Variants in ATXN2 observed in about 807,000 individuals in gnomAD.
The protein encoded by ATXN2 is ataxin 2, also known as ataxin-2.
A neutral mutation model predicts 138.6 loss-of-function variants in ATXN2; 37 were observed. The ratio of observed to expected loss-of-function variants is 0.27; its 90% CI spans 0.21 to 0.35. The LOEUF is 0.35. Ranked by LOEUF, ATXN2 falls within the 10% of genes least tolerant of loss-of-function variation. The pLI is 1.00. For missense variants in ATXN2, 1,216 were observed against 1,480.3 expected, an observed-to-expected ratio of 0.82 and a Z score of 2.93; for synonymous variants, 549 against 543.7, an observed-to-expected ratio of 1.01 and a Z score of -0.13.
Position 111,577,359 on chromosome 12 carries a change from G to A in ATXN2, c.251+21425C>T, listed in dbSNP as rs548949637. Among the ~76,000 whole-genome samples, 883 of 152,002 alleles carry A rather than the reference G, an allele frequency of 5.8e-3. 11 individuals are homozygous for A. The highest frequency in any genetic ancestry group is 0.02 in the African/African-American group (829 of 41,484). On this transcript the variant is annotated intron_variant, in intron 1 of 24. Coordinates refer to ENST00000673436, the MANE Select transcript of ATXN2 (RefSeq NM_001372574.1). The stretch of plus-strand genomic sequence containing the variant: ...CGGCTCACTGCAAGCTCCGCCTCCC[G>A]GGTTCACGCCATTCTCCTGCCTCAG...
intron 10 of ATXN2, among the ~76,000 whole-genome samples, chr12:111,514,807 C>T (rs947242216): frequency 6.6e-6 from 1 of 152,070 alleles, no homozygotes; most frequent in African/African-American, 2.4e-5. Flanking sequence ...AATTTAAACA[C>T]GAACATGATC....
In ATXN2 at chr12:111,509,899, T is replaced by A. The variant is rs760490040; in HGVS notation, c.1856A>T (p.Glu619Val). 9 of 1,608,238 alleles carry A rather than the reference T, an allele frequency of 5.6e-6. No homozygotes were observed. The highest frequency in any genetic ancestry group is 2.2e-5 in the South Asian group (2 of 90,752). The change falls in exon 13 of 25, where the codon GAA becomes GTA. Residue 619 changes from glutamate to valine, a missense_variant. Physicochemically the swap from Glu to Val is moderately radical, Grantham distance 121. Coordinates refer to ENST00000673436, the MANE Select transcript of ATXN2 (RefSeq NM_001372574.1). ...NETSPSFSKA[E>V]NKGISPVVSE... is the part of the protein sequence containing the mutation. The stretch of plus-strand genomic sequence containing the variant: ...ACTCTTTAAACTCTAACCTTTGTTT[T>A]CAGCTTTTGAGAAGCTAGGTGATGT...
intron 1 of ATXN2, among the ~76,000 whole-genome samples, chr12:111,570,817 T>C (rs1389448563): frequency 6.6e-6 from 1 of 152,236 alleles, no homozygotes; most frequent in Non-Finnish European, 1.5e-5. Context: ...CATTCATCTT[T>C]GTCTCTGTCC....
At chr12:111,596,802 A>G (rs1226805078) in intron 1 of ATXN2, among the ~76,000 whole-genome samples, 2 of 152,230 alleles carry the variant, frequency 1.3e-5, no homozygotes, top group East Asian at 1.9e-4. Context: ...AACAGAAAAA[A>G]GACCTTGTGG....
chr12:111,599,157 C>T lies in ATXN2; in HGVS notation c.-123G>A. The T allele has an allele frequency of 1.7e-6, 2 of 1,209,044 alleles. No individual in the cohort carries two copies. The highest frequency in any genetic ancestry group is 2.1e-6 in the Non-Finnish European group (2 of 974,322). 74.9% of individuals were successfully genotyped at this position (1,209,044 alleles called of 1,614,324 possible). On this transcript the variant is annotated 5_prime_UTR_variant, in exon 1 of 25. Coordinates refer to ENST00000673436, the MANE Select transcript of ATXN2 (RefSeq NM_001372574.1). ...CCGAGCGGGGAGGCGCGGGTTGGCG[C>T]GGCCGGAGGGGCGCCCGGGCTGGCG...
chr12:111,465,312 CTT>C (rs1472435645), intron 20 of ATXN2, among the ~76,000 whole-genome samples: 1 of 144,454 alleles, frequency 6.9e-6, no homozygotes, highest in African/African-American at 2.7e-5. Flanking sequence ...TTTTTTTTAA[CTT>C]AACTATATTT....
At chr12:111,599,346 G>A (rs959703234), upstream of ATXN2, 7 of 1,160,060 alleles carry the variant, frequency 6.0e-6, no homozygotes, top group African/African-American at 1.6e-5. Flanking sequence ...GGGCCGGGCG[G>A]GGGAGGGGCG....
chr12:111,550,062 CAA>C lies in ATXN2; in HGVS notation c.571+2216_571+2217del, dbSNP rs11360314. ...GGGCAACAGAGCGAAACTCCGTCTC[CAA>C]AAAAAAAAAAAAAAAGAGAGAGAAA... On this transcript the variant is annotated intron_variant, in intron 5 of 24. Transcript: ENST00000673436. Among the ~76,000 whole-genome samples the C allele has an allele frequency of 9.1e-3, 719 of 78,896 alleles. 7 individuals carry two copies. The highest frequency in any genetic ancestry group is 0.025 in the African/African-American group (676 of 27,306). 51.8% of individuals were successfully genotyped at this position (78,896 alleles called of 152,430 possible).
At chr12:111,547,986 A>T (rs1268475052) in intron 5 of ATXN2, among the ~76,000 whole-genome samples, 1 of 151,910 alleles carries the variant, frequency 6.6e-6, no homozygotes, top group Non-Finnish European at 1.5e-5. Context: ...TAAGGTCAGG[A>T]GCTTGAAATC....
At chr12:111,477,992 T>C (rs1279479391) in intron 18 of ATXN2, among the ~76,000 whole-genome samples, 2 of 152,042 alleles carry the variant, frequency 1.3e-5, no homozygotes, top group African/African-American at 4.8e-5. Flanking sequence ...AGACAGGGTT[T>C]TGTCATGTTC....
intron 12 of ATXN2, 124 bp downstream of exon 12, chr12:111,510,261 T>C: frequency 9.1e-7 from 1 of 1,104,366 alleles, no homozygotes; most frequent in East Asian, 2.4e-5. Flanking sequence ...CATAAACTTT[T>C]AAATGTGCAC....
chr12:111,517,739 A>G (rs1879934647), intron 9 of ATXN2, among the ~76,000 whole-genome samples: 2 of 152,150 alleles, frequency 1.3e-5, no homozygotes, highest in African/African-American at 4.8e-5. Flanking sequence ...AAATTTCTCT[A>G]GTCACTTTCT....
intron 5 of ATXN2, among the ~76,000 whole-genome samples, chr12:111,536,316 G>A (rs187333868): frequency 2.6e-5 from 4 of 152,120 alleles, no homozygotes; most frequent in South Asian, 4.2e-4. Context: ...TGGTACACAC[G>A]TTTTGAACTT....
chr12:111,570,005 G>C (rs114467790), intron 1 of ATXN2, among the ~76,000 whole-genome samples: 325 of 152,240 alleles, frequency 2.1e-3, no homozygotes, highest in African/African-American at 7.3e-3. Flanking sequence ...CTTGAAATAC[G>C]ATTAGTATGG....
At chr12:111,553,140 T>A (rs906302031) in intron 3 of ATXN2, among the ~76,000 whole-genome samples, 163 bp from the exon 4 acceptor site, 2 of 152,178 alleles carry the variant, frequency 1.3e-5, no homozygotes, top group Admixed American at 1.3e-4. Flanking sequence ...TACACTGAAC[T>A]CTTGAAATTC....
intron 1 of ATXN2, among the ~76,000 whole-genome samples, chr12:111,574,333 AG>A (rs1474592115): frequency 1.4e-5 from 2 of 147,460 alleles, no homozygotes; most frequent in East Asian, 2.0e-4. Context: ...AAAAAAAAAA[AG>A]GTATGGAGAC....
In ATXN2 at chr12:111,519,944, C is replaced by T. The variant is rs765272423; in HGVS notation, c.921G>A (p.Glu307=). ...RVALENDDRS[E]EEKYTAVQRN... ...TCTGAACTGCTGTGTATTTTTCTTC[C>T]TCACTCCTATCATCATTTTCCAGGG... is the stretch of plus-strand genomic sequence containing the variant. The change falls in exon 8 of 25, where the codon GAG becomes GAA. Residue 307 remains glutamate (E), a synonymous_variant. Transcript: ENST00000673436. The T allele has an allele frequency of 1.8e-5, 29 of 1,613,980 alleles. No homozygotes were observed. The highest frequency in any genetic ancestry group is 2.4e-5 in the Non-Finnish European group (28 of 1,180,034).
intron 1 of ATXN2, among the ~76,000 whole-genome samples, chr12:111,572,798 C>T (rs1883406995): frequency 6.6e-6 from 1 of 152,132 alleles, no homozygotes; most frequent in African/African-American, 2.4e-5. Context: ...ACTTTGCAGC[C>T]TACCAACATG....
rs765975656 is a variant in ATXN2 at position 111,539,447 on chromosome 12, A to G, written c.571+12833T>C. Among the ~76,000 whole-genome samples, 31 of 150,494 alleles carry G rather than the reference A, an allele frequency of 2.1e-4. 3 individuals are homozygous for G. The highest frequency in any genetic ancestry group is 1.0e-3 in the Admixed American group (15 of 15,006). On this transcript the variant is annotated intron_variant, in intron 5 of 24. Transcript: ENST00000673436. ...GGTACTATTTTCAGCTCAGAAGTTA[A>G]AGAGAAAGAAAAAAAGAAGGCCGGG...
Sources: allele counts gnomAD v4.1 joint callset (sites outside exome capture counted in the v4.1 genomes callset), GRCh38; gene constraint gnomAD v4.1.1; transcripts MANE v1.5; gene names NCBI Gene and HGNC (gene_info 2026-07-23, HGNC 2026-07-21).